PLOD1: variants seen among roughly 807,000 people sequenced by gnomAD.
PLOD1 encodes procollagen-lysine,2-oxoglutarate 5-dioxygenase 1, also known as lysine hydroxylase.
Under a neutral mutation model 94.7 loss-of-function variants are expected in PLOD1, and 70 were observed. That is an observed-to-expected ratio of 0.74 (90% CI 0.61 to 0.90). The LOEUF (loss-of-function observed/expected upper bound fraction) is 0.90, where lower values mean the gene tolerates loss of function less well. Ranked by LOEUF, PLOD1 falls within the 40% of genes least tolerant of loss-of-function variation. The pLI is 0.00. For missense variants in PLOD1, 905 were observed against 972.7 expected (o/e 0.93, Z 0.93); for synonymous variants, 417 against 400.2 (o/e 1.04, Z -0.50).
intron 9 of PLOD1, among the ~76,000 whole-genome samples, chr1:11,959,838 G>A (rs529281210): frequency 1.3e-5 from 2 of 151,364 alleles, no homozygotes; most frequent in East Asian, 1.9e-4. Context: ...GGATGGTCTC[G>A]ATCTCCTGAC....
chr1:11,939,181 G>T (rs1315547623), intron 1 of PLOD1, among the ~76,000 whole-genome samples: 1 of 152,122 alleles, frequency 6.6e-6, no homozygotes, highest in Non-Finnish European at 1.5e-5. Flanking sequence ...AGAACAGAAG[G>T]GTCCCAGGAG....
rs776480771 is a variant in PLOD1, at chr1:11,960,725, C to T, written c.1055C>T (p.Pro352Leu). 3.1e-6 allele frequency: 5 copies of T among 1,613,568 alleles called. No homozygotes were observed. In the East Asian group the frequency reaches 1.1e-4, roughly 36 times the overall value. ...TACCAGTCTGTGAAGCTGGTGGGCC[C>T]TGAGGTGCGGATGGCGAATGCAGAT... ...SEYQSVKLVG[P>L]EVRMANADAR... is the part of the protein sequence containing the mutation. Residue 352 changes from proline to leucine, a missense_variant, in exon 10 of 19, where the codon CCT becomes CTT. Physicochemically the swap from Pro to Leu is moderately conservative, Grantham distance 98. Coordinates refer to ENST00000196061, the MANE Select transcript of PLOD1 (RefSeq NM_000302.4).
At chr1:11,955,998 G>A (rs971348786) in intron 6 of PLOD1, among the ~76,000 whole-genome samples, 4 of 152,174 alleles carry the variant, frequency 2.6e-5, no homozygotes, top group Non-Finnish European at 5.9e-5. Context: ...CTGGGCTCAA[G>A]TGATCCTCCC....
chr1:11,968,581 T>A (rs1645838672), intron 16 of PLOD1, among the ~76,000 whole-genome samples: 1 of 147,800 alleles, frequency 6.8e-6, no homozygotes, highest in East Asian at 2.1e-4. Context: ...TGGCGCCATC[T>A]CAGCTCACTG....
At chr1:11,941,884 A>G (rs1165726288) in intron 1 of PLOD1, among the ~76,000 whole-genome samples, 1 of 151,988 alleles carries the variant, frequency 6.6e-6, no homozygotes, top group African/African-American at 2.4e-5. Flanking sequence ...GGGTTTTGCC[A>G]TGTTGGCCAG....
In PLOD1 at chr1:11,958,721, CCT is replaced by C. The variant is rs1645757511; in HGVS notation, c.975+77_975+78del. 6.4e-7 allele frequency: 1 copy of C among 1,564,106 alleles called. No individual in the cohort carries two copies. Among genetic ancestry groups the C allele is most frequent in the African/African-American group, 1.3e-5 (1 of 74,088 alleles). On this transcript the variant is annotated intron_variant, in intron 9 of 18. Coordinates refer to ENST00000196061, the MANE Select transcript of PLOD1 (RefSeq NM_000302.4). The surrounding 1 kb of genome is among the most constrained non-coding windows in gnomAD (Gnocchi z 4.3). Reference sequence around the variant, plus strand: ...CCCAGCTTCACAAGGTAGCCCGAGACCTCTGAGGGTCTCACCGAATCTAGCTT... The same window carrying C: ...CCCAGCTTCACAAGGTAGCCCGAGACCTGAGGGTCTCACCGAATCTAGCTT...
intron 1 of PLOD1, among the ~76,000 whole-genome samples, chr1:11,944,941 A>T (rs1645640292): frequency 6.6e-6 from 1 of 152,214 alleles, no homozygotes; most frequent in South Asian, 2.1e-4. Flanking sequence ...CCACCAGGTG[A>T]GAAGTGTAAG....
chr1:11,962,752 GAAA>G (rs892061966), intron 10 of PLOD1, among the ~76,000 whole-genome samples: 5 of 150,932 alleles, frequency 3.3e-5, no homozygotes, highest in African/African-American at 1.2e-4. Flanking sequence ...TCTAAAAAAG[GAAA>G]AAAGGCCGGG....
intron 3 of PLOD1, 143 bp downstream of exon 3, chr1:11,950,049 C>A: frequency 2.2e-6 from 2 of 899,682 alleles, no homozygotes; most frequent in Non-Finnish European, 3.7e-6. Context: ...CATTCCCGGT[C>A]TTAGTAAAGC....
chr1:11,960,383 C>T (rs1013917394), intron 9 of PLOD1, among the ~76,000 whole-genome samples: 10 of 152,170 alleles, frequency 6.6e-5, no homozygotes, highest in African/African-American at 1.4e-4. Context: ...GGATCCTGAG[C>T]GTGGTGGCGG....
Position 11,967,042 on chromosome 1 carries a change from TG to T in PLOD1, c.1708del (p.Val570TrpfsTer34). 1 of 1,614,044 alleles carries T rather than the reference TG, an allele frequency of 6.2e-7. No homozygotes were observed. The highest frequency in any genetic ancestry group is 8.5e-7 in the Non-Finnish European group (1 of 1,179,900). Reference sequence around the variant, plus strand: ...TTCACGGAGGTGGCCTGTGATGAGCTGGTGGAGGAGATGGAGCACTTTGGCC... The same window carrying T: ...TTCACGGAGGTGGCCTGTGATGAGCTGTGGAGGAGATGGAGCACTTTGGCC... ...PIFTEVACDE[L>X]VEEMEHFGQW... On this transcript the variant is annotated frameshift_variant, in exon 16 of 19. Transcript: ENST00000196061. LOFTEE classifies it high-confidence loss of function.
chr1:11,961,428 G>A (rs77727135), intron 10 of PLOD1, among the ~76,000 whole-genome samples: 4 of 152,252 alleles, frequency 2.6e-5, no homozygotes, highest in African/African-American at 9.6e-5. Flanking sequence ...TGTGTTGCTT[G>A]TAGAAGAGTC....
Position 11,963,521 on chromosome 1 carries a change from C to A in PLOD1, c.1098-11C>A, listed in dbSNP as rs755934444. 6.4e-7 allele frequency: 1 copy of A among 1,570,762 alleles called. No individual in the cohort carries two copies. The highest frequency in any genetic ancestry group is 2.3e-5 in the East Asian group (1 of 43,916). ...ATCAGGTGCACTGACCCTGTGTCCT[C>A]CTCCTTGCAGAGACCTGTGCCGGCA... On this transcript the variant is annotated splice_polypyrimidine_tract_variant and intron_variant, in intron 10 of 18. Transcript: ENST00000196061. This position sits in a 1 kb window ranked among gnomAD's most constrained non-coding sequence, Gnocchi z 4.3.
intron 4 of PLOD1, among the ~76,000 whole-genome samples, chr1:11,951,179 C>T (rs553278802): frequency 5.3e-5 from 8 of 152,300 alleles, no homozygotes; most frequent in Admixed American, 2.0e-4. Flanking sequence ...GGCTCCTGGC[C>T]GTTGGTAGGA....
At chr1:11,936,814 C>T (rs1268714715) in intron 1 of PLOD1, among the ~76,000 whole-genome samples, 1 of 151,414 alleles carries the variant, frequency 6.6e-6, no homozygotes, top group Non-Finnish European at 1.5e-5. Flanking sequence ...GGAGCCACTG[C>T]ACCCAGCCAG....
rs1488534173 is a variant in PLOD1 at position 11,975,150 on chromosome 1, G to A, written c.*342G>A. On this transcript the variant is annotated 3_prime_UTR_variant, in exon 19 of 19. Coordinates refer to ENST00000196061, the MANE Select transcript of PLOD1 (RefSeq NM_000302.4). ...CATGGGGTGAGACTTGAGCAGAACA[G>A]GGGCTTCCCCAAGTTGCCCAGAAAG... The A allele has an allele frequency of 2.6e-6, 1 of 378,332 alleles. No individual in the cohort carries two copies. Among genetic ancestry groups the A allele is most frequent in the Non-Finnish European group, 5.0e-6 (1 of 198,020 alleles). The allele number at this position is 378,332 out of a possible 1,614,324, so 23.4% of individuals were successfully genotyped here. A position where few individuals can be genotyped will look rare whatever the true frequency, so the allele number is the denominator to read the frequency against.
chr1:11,969,079 A>G (rs140431596), intron 16 of PLOD1, among the ~76,000 whole-genome samples: 80 of 146,466 alleles, frequency 5.5e-4, no homozygotes, highest in African/African-American at 1.9e-3. Flanking sequence ...GTGGAGTGCA[A>G]TGGCACAATC....
chr1:11,964,515 C>T, intron 12 of PLOD1, 129 bp from the exon 13 acceptor site: 3 of 974,268 alleles, frequency 3.1e-6, no homozygotes, highest in Non-Finnish European at 4.9e-6. Flanking sequence ...CAATTGTGCC[C>T]CCCTAGCCTG....
chr1:11,943,744 C>T (rs1467101330), intron 1 of PLOD1, among the ~76,000 whole-genome samples: 2 of 152,092 alleles, frequency 1.3e-5, no homozygotes, highest in East Asian at 3.9e-4. Flanking sequence ...AGAGACAGGG[C>T]CCTCTCAACA....
Sources: allele counts gnomAD v4.1 joint callset (sites outside exome capture counted in the v4.1 genomes callset), GRCh38; gene constraint gnomAD v4.1.1; non-coding constraint Gnocchi (gnomAD v3.1); transcripts MANE v1.5; gene names NCBI Gene and HGNC (gene_info 2026-07-23, HGNC 2026-07-21).